NRG1: variants seen among roughly 807,000 people sequenced by gnomAD.
The protein encoded by NRG1 is pro-neuregulin-1, membrane-bound isoform.
In NRG1, 18 loss-of-function variants were observed where a neutral mutation model predicts 63.8. That is an observed-to-expected ratio of 0.28 (90% CI 0.19 to 0.42). The LOEUF (loss-of-function observed/expected upper bound fraction) is 0.42. Ranked by LOEUF, NRG1 falls within the 10% of genes least tolerant of loss-of-function variation. NRG1 has a pLI of 1.00. For missense variants in NRG1, 762 were observed against 814.7 expected, an observed-to-expected ratio of 0.94 and a Z score of 0.79; for synonymous variants, 302 against 301.3, an observed-to-expected ratio of 1.00 and a Z score of -0.02.
intron 5 of NRG1, among the ~76,000 whole-genome samples, chr8:32,635,430 T>C (rs1476457067): frequency 1.3e-5 from 2 of 152,206 alleles, no homozygotes; most frequent in Non-Finnish European, 2.9e-5. Flanking sequence ...ACCTGCCAGA[T>C]TGTGAAAAGA....
chr8:32,584,626 A>G (rs10954857), intron 1 of NRG1, among the ~76,000 whole-genome samples: 39,019 of 152,164 alleles, frequency 0.26, 5,130 homozygotes, highest in South Asian at 0.33. Context: ...TCAGAAAGCC[A>G]TAATTACTAA....
intron 5 of NRG1, among the ~76,000 whole-genome samples, chr8:32,672,236 G>A (rs1232201785): frequency 1.3e-5 from 2 of 152,032 alleles, no homozygotes; most frequent in African/African-American, 4.8e-5. Flanking sequence ...AATAGAGATG[G>A]GGTTTCACCA....
intron 1 of NRG1, among the ~76,000 whole-genome samples, chr8:31,816,344 T>A (rs2129602251): frequency 1.3e-5 from 2 of 152,312 alleles, no homozygotes; most frequent in South Asian, 4.1e-4. Context: ...ACCCCACAGA[T>A]CCTAAGCCAC....
chr8:32,303,183 CCAAAA>C lies in NRG1; in HGVS notation c.38-292644_38-292640del, dbSNP rs1264096430. Among the ~76,000 whole-genome samples, 56 of 59,702 alleles carry C rather than the reference CCAAAA, an allele frequency of 9.4e-4. 1 individual carries two copies. The highest frequency in any genetic ancestry group is 8.6e-3 in the South Asian group (9 of 1,050). 39.2% of individuals were successfully genotyped at this position (59,702 alleles called of 152,430 possible). A position where few individuals can be genotyped will look rare whatever the true frequency, so the allele number is the denominator to read the frequency against. On this transcript the variant is annotated intron_variant, in intron 1 of 10. Coordinates refer to the NRG1 transcript ENST00000519301. ...GGCAGAAAGAAGAGAAACTCAGTCT[CCAAAA>C]AAAAAAAAAAAAAAAAAAAGAGAAA...
Position 32,631,376 on chromosome 8 carries a change from T to C in NRG1, c.502+14491T>C, listed in dbSNP as rs148247796. 2.0e-3 allele frequency among the ~76,000 whole-genome samples: 298 copies of C among 152,280 alleles called. 1 individual carries two copies. Among genetic ancestry groups the C allele is most frequent in the African/African-American group, 6.9e-3 (287 of 41,560 alleles). ...ATTTGTTATTACTTAGCTATTTTAT[T>C]TGGCAGGGATCCCTTCTATCTCATC... On this transcript the variant is annotated intron_variant, in intron 5 of 11. Transcript: ENST00000356819.
intron 1 of NRG1, among the ~76,000 whole-genome samples, chr8:32,135,240 A>T (rs573139324): frequency 1.3e-5 from 2 of 152,338 alleles, no homozygotes; most frequent in African/African-American, 4.8e-5. Context: ...ATAGCAGAAT[A>T]CATTGGAGAA....
At chr8:32,290,865 C>A (rs1854112606) in intron 1 of NRG1, among the ~76,000 whole-genome samples, 1 of 152,000 alleles carries the variant, frequency 6.6e-6, no homozygotes, top group African/African-American at 2.4e-5. Flanking sequence ...GTGACAACAT[C>A]AAAGGATATT....
At chr8:32,701,858 C>G (rs968176609) in intron 5 of NRG1, among the ~76,000 whole-genome samples, 2 of 152,176 alleles carry the variant, frequency 1.3e-5, no homozygotes, top group Non-Finnish European at 2.9e-5. Flanking sequence ...CCCCCTTAAA[C>G]TGAAACTTTC....
chr8:32,105,665 A>G (rs1831171841), intron 1 of NRG1, among the ~76,000 whole-genome samples: 1 of 152,178 alleles, frequency 6.6e-6, no homozygotes, highest in Non-Finnish European at 1.5e-5. Flanking sequence ...CTTATGATCT[A>G]TAAAATGGCA....
intron 1 of NRG1, among the ~76,000 whole-genome samples, chr8:32,344,324 CT>C (rs1804463985): frequency 1.6e-5 from 1 of 64,096 alleles, no homozygotes; most frequent in Admixed American, 1.6e-4. Context: ...TTCCTTCTTT[CT>C]CTTTCTTTCT....
Position 32,423,504 on chromosome 8 carries a change from G to A in NRG1, c.38-172324G>A, listed in dbSNP as rs112610396. Among the ~76,000 whole-genome samples, 187 of 152,180 alleles carry A rather than the reference G, an allele frequency of 1.2e-3. 1 individual carries two copies. The highest frequency in any genetic ancestry group is 4.3e-3 in the African/African-American group (178 of 41,526). On this transcript the variant is annotated intron_variant, in intron 1 of 10. Coordinates refer to the NRG1 transcript ENST00000519301. ...ACAAAAAATACAAAAAATTAGCCGG[G>A]CATGGTGGCTCTCGCCAGTGGTCCC... is the stretch of plus-strand genomic sequence containing the variant.
At chr8:32,407,246 A>G (rs1814120652) in intron 1 of NRG1, among the ~76,000 whole-genome samples, 1 of 138,318 alleles carries the variant, frequency 7.2e-6, no homozygotes, top group African/African-American at 2.7e-5. Flanking sequence ...GTAGAAGACT[A>G]TATATATATG....
rs139280235 is a variant in NRG1, at chr8:32,373,405, A to T, written c.38-222423A>T. ...CCATCTTTCAAATGTCCCAGCTCTT[A>T]TAAATGTATCTTTAAAAAGACTCAA... On this transcript the variant is annotated intron_variant, in intron 1 of 10. Coordinates refer to the NRG1 transcript ENST00000519301. Among the ~76,000 whole-genome samples, 9 of 152,374 alleles carry T rather than the reference A, an allele frequency of 5.9e-5. No homozygotes were observed. The East Asian group carries it at 1.7e-3, about 29-fold the overall frequency.
At position 32,742,159 on chromosome 8, in the gene NRG1, TA is replaced by T. The variant is rs778402587; in HGVS notation, c.633-514del. ...ACTTGGTGCTTTTACAGCTCAGTCGTAACTGATTCATTTTGTTCTAATTATG... is the reference window on the plus strand; with the variant it reads ...ACTTGGTGCTTTTACAGCTCAGTCGTACTGATTCATTTTGTTCTAATTATG... On this transcript the variant is annotated intron_variant, in intron 6 of 11. Coordinates refer to ENST00000356819, the Ensembl canonical transcript of NRG1. The surrounding 1 kb of genome is among the most constrained non-coding windows in gnomAD (Gnocchi z 4.2). The T allele has an allele frequency of 6.5e-6, 7 of 1,079,220 alleles. No homozygotes were observed. Among genetic ancestry groups the T allele is most frequent in the Non-Finnish European group, 8.6e-6 (6 of 701,532 alleles). 66.9% of individuals were successfully genotyped at this position (1,079,220 alleles called of 1,614,324 possible). A position where few individuals can be genotyped will look rare whatever the true frequency, so the allele number is the denominator to read the frequency against.
At chr8:31,891,948 ATAAAATTAAATGAAGAAC>A (rs1406558902) in intron 1 of NRG1, among the ~76,000 whole-genome samples, 34 of 152,282 alleles carry the variant, frequency 2.2e-4, no homozygotes, top group African/African-American at 8.2e-4. Flanking sequence ...CTTTGAAACC[ATAAAATTAAATGAAGAAC>A]AGATTAGTGG....
Position 32,626,420 on chromosome 8 carries a change from C to T in NRG1, c.502+9535C>T, listed in dbSNP as rs189246794. ...AGCCAGCCGGGTGCGGTGGCTCACA[C>T]CTGTAATCCCAGCACTCTGGGAGGC... On this transcript the variant is annotated intron_variant, in intron 5 of 11. Coordinates refer to ENST00000356819, the Ensembl canonical transcript of NRG1. 3.6e-3 allele frequency among the ~76,000 whole-genome samples: 542 copies of T among 151,198 alleles called. 3 individuals are homozygous for T. The highest frequency in any genetic ancestry group is 6.7e-3 in the Admixed American group (102 of 15,194).
intron 1 of NRG1, among the ~76,000 whole-genome samples, chr8:32,102,004 G>C (rs906023336): frequency 2.6e-5 from 4 of 152,286 alleles, no homozygotes; most frequent in African/African-American, 7.2e-5. Context: ...ATTTAGACTT[G>C]AGCAGTTTAG....
At chr8:32,667,911 C>G (rs1004096150) in intron 5 of NRG1, among the ~76,000 whole-genome samples, 6 of 152,044 alleles carry the variant, frequency 3.9e-5, no homozygotes, top group African/African-American at 1.4e-4. Flanking sequence ...TTATGCCACT[C>G]CTTTAAAATG....
intron 1 of NRG1, among the ~76,000 whole-genome samples, chr8:32,258,232 CT>C (rs1849956630): frequency 6.6e-6 from 1 of 152,226 alleles, no homozygotes; most frequent in Admixed American, 6.5e-5. Context: ...TGTCTGTCAT[CT>C]TTCTTCCTCT....
Sources: allele counts gnomAD v4.1 joint callset (sites outside exome capture counted in the v4.1 genomes callset), GRCh38; gene constraint gnomAD v4.1.1; non-coding constraint Gnocchi (gnomAD v3.1); transcripts MANE v1.5; gene names NCBI Gene and HGNC (gene_info 2026-07-23, HGNC 2026-07-21).